Variants in DNMT3A observed in about 807,000 individuals in gnomAD.
The protein encoded by DNMT3A is DNA (cytosine-5)-methyltransferase 3A.
DNMT3A carries 267 observed loss-of-function variants against 117.6 expected under a neutral mutation model. The observed-to-expected ratio is 2.27, with a 90% CI of 2.05 to 2.51. The LOEUF (loss-of-function observed/expected upper bound fraction) is 2.51. DNMT3A is among the 30% of genes most tolerant of loss of function. DNMT3A has a pLI of 0.00. For missense variants in DNMT3A, 1,029 were observed against 1,260.2 expected, an observed-to-expected ratio of 0.82 and a Z score of 2.78; for synonymous variants, 432 against 474.8, an observed-to-expected ratio of 0.91 and a Z score of 1.17.
rs939768761 is a variant in DNMT3A at position 25,311,923 on chromosome 2, C to T, written c.72+1990G>A. ...TGAGCTATTATAATGCAGATCCTGA[C>T]CTGCTCCCGTCCATTGGTGGTGGCC... On this transcript the variant is annotated intron_variant, in intron 2 of 22. Coordinates refer to ENST00000321117, the MANE Select transcript of DNMT3A (RefSeq NM_022552.5). This position sits in a 1 kb window ranked among gnomAD's most constrained non-coding sequence, Gnocchi z 5.2. Among the ~76,000 whole-genome samples the T allele has an allele frequency of 3.9e-5, 6 of 152,192 alleles. No individual in the cohort carries two copies.
At position 25,254,143 on chromosome 2, in the gene DNMT3A, C is replaced by G. The variant is rs1331650569; in HGVS notation, c.640-5891G>C. ...CCATGACCTTAAACAAGTCACTTAA[C>G]CCCCAAGAAATCTGTTGTCTCATCT... On this transcript the variant is annotated intron_variant, in intron 6 of 22. Transcript: ENST00000321117. This position sits in a 1 kb window ranked among gnomAD's most constrained non-coding sequence, Gnocchi z 4.7. 3.3e-5 allele frequency among the ~76,000 whole-genome samples: 5 copies of G among 151,938 alleles called. No individual in the cohort carries two copies. Among genetic ancestry groups the G allele is most frequent in the African/African-American group, 1.2e-4 (5 of 41,354 alleles).
chr2:25,308,870 A>G lies in DNMT3A; in HGVS notation c.72+5043T>C, dbSNP rs147986521. Among the ~76,000 whole-genome samples, 18 of 152,222 alleles carry G rather than the reference A, an allele frequency of 1.2e-4. No individual in the cohort carries two copies. In the East Asian group the frequency reaches 3.3e-3, roughly 28 times the overall value. On this transcript the variant is annotated intron_variant, in intron 2 of 22. Coordinates refer to ENST00000321117, the MANE Select transcript of DNMT3A (RefSeq NM_022552.5). ...CTTGTACTTGCAGACCAGAGTGGAG[A>G]GAGCCCACGAGAAATCAGTGGCTGC...
intron 1 of DNMT3A, among the ~76,000 whole-genome samples, chr2:25,319,600 C>T (rs1156690975): frequency 6.6e-6 from 1 of 152,228 alleles, no homozygotes; most frequent in Admixed American, 6.5e-5. Context: ...TGCCAGTCAC[C>T]TGGCATGAGC....
chr2:25,235,316 C>T (rs1344429635), intron 22 of DNMT3A, among the ~76,000 whole-genome samples: 1 of 152,082 alleles, frequency 6.6e-6, no homozygotes, highest in African/African-American at 2.4e-5. Flanking sequence ...TCCTGAGTAG[C>T]TGGGACTACA....
intron 2 of DNMT3A, among the ~76,000 whole-genome samples, chr2:25,303,135 TC>T (rs1400737055): frequency 2.6e-5 from 4 of 152,232 alleles, no homozygotes; most frequent in African/African-American, 7.2e-5. Context: ...TTAAACTATT[TC>T]TTTAACAAGC....
Position 25,298,454 on chromosome 2 carries a change from T to C in DNMT3A, c.177+1685A>G, listed in dbSNP as rs1188054118. Among the ~76,000 whole-genome samples the C allele has an allele frequency of 1.3e-5, 2 of 152,224 alleles. No individual in the cohort carries two copies. The highest frequency in any genetic ancestry group is 2.4e-5 in the African/African-American group (1 of 41,464). ...TCACAAAGATGAGTCAAAGGGTTGC[T>C]GGGTCTTTATTTGCTACAGGTGGTG... On this transcript the variant is annotated intron_variant, in intron 3 of 22. Coordinates refer to ENST00000321117, the MANE Select transcript of DNMT3A (RefSeq NM_022552.5). This position sits in a 1 kb window ranked among gnomAD's most constrained non-coding sequence, Gnocchi z 4.3.
intron 4 of DNMT3A, among the ~76,000 whole-genome samples, chr2:25,278,442 T>G (rs2031633167): frequency 6.6e-6 from 1 of 152,358 alleles, no homozygotes; most frequent in African/African-American, 2.4e-5. Flanking sequence ...GTGCTGACCC[T>G]AATCCGGTCT....
chr2:25,253,158 C>T (rs1290099883), intron 6 of DNMT3A, among the ~76,000 whole-genome samples: 1 of 152,102 alleles, frequency 6.6e-6, no homozygotes, highest in Non-Finnish European at 1.5e-5. Flanking sequence ...GTGCGGCCTC[C>T]AGGTGCAGCC....
chr2:25,255,903 C>T lies in DNMT3A; in HGVS notation c.640-7651G>A, dbSNP rs540711630. 1.6e-3 allele frequency among the ~76,000 whole-genome samples: 250 copies of T among 152,218 alleles called. 1 individual carries two copies. Among genetic ancestry groups the T allele is most frequent in the Non-Finnish European group, 2.4e-3 (163 of 68,022 alleles). On this transcript the variant is annotated intron_variant, in intron 6 of 22. Transcript: ENST00000321117. ...TACCTCTCCAAAGAGCAGCAACGCCCGGAGCTCATGCCTGACGTTTTACTC... is the reference window on the plus strand; with the variant it reads ...TACCTCTCCAAAGAGCAGCAACGCCTGGAGCTCATGCCTGACGTTTTACTC...
In DNMT3A at chr2:25,311,056, CAA is replaced by C. The variant is rs1430056583; in HGVS notation, c.72+2855_72+2856del. On this transcript the variant is annotated intron_variant, in intron 2 of 22. Coordinates refer to ENST00000321117, the MANE Select transcript of DNMT3A (RefSeq NM_022552.5). This position sits in a 1 kb window ranked among gnomAD's most constrained non-coding sequence, Gnocchi z 5.2. ...CATGCGGCAGAGGGAGCAGCATAAA[CAA>C]AGACCTGGAGACTCCAGGAAGTATG... is the stretch of plus-strand genomic sequence containing the variant. Among the ~76,000 whole-genome samples the C allele has an allele frequency of 1.3e-5, 2 of 149,640 alleles. No individual in the cohort carries two copies. The highest frequency in any genetic ancestry group is 4.9e-5 in the African/African-American group (2 of 40,530).
chr2:25,256,566 CA>C (rs541703532), intron 6 of DNMT3A, among the ~76,000 whole-genome samples: 9 of 152,310 alleles, frequency 5.9e-5, no homozygotes, highest in Admixed American at 5.9e-4. Context: ...GTCCAAGAGC[CA>C]CATGTGGCTG....
In DNMT3A at chr2:25,284,206, G is replaced by A. The variant is rs540208256; in HGVS notation, c.178-1495C>T. Among the ~76,000 whole-genome samples, 177 of 152,304 alleles carry A rather than the reference G, an allele frequency of 1.2e-3. 2 individuals carry two copies. The highest frequency in any genetic ancestry group is 4.0e-3 in the African/African-American group (167 of 41,574). ...AGAAAGGCAGGGACAGCATCAGCACGGCAAGCCTCAGATAAGGAAGGCACT... is the reference window on the plus strand; with the variant it reads ...AGAAAGGCAGGGACAGCATCAGCACAGCAAGCCTCAGATAAGGAAGGCACT... On this transcript the variant is annotated intron_variant, in intron 3 of 22. Coordinates refer to ENST00000321117, the MANE Select transcript of DNMT3A (RefSeq NM_022552.5).
Position 25,294,542 on chromosome 2 carries a change from T to A in DNMT3A, c.177+5597A>T, listed in dbSNP as rs925937371. Among the ~76,000 whole-genome samples the A allele has an allele frequency of 6.6e-6, 1 of 152,122 alleles. No homozygotes were observed. Among genetic ancestry groups the A allele is most frequent in the African/African-American group, 2.4e-5 (1 of 41,418 alleles). The stretch of plus-strand genomic sequence containing the variant: ...ATGCATAAAAGGTAGGGGCACCATA[T>A]CACCCAGCCGAGGTCCGGAGGGTTA... On this transcript the variant is annotated intron_variant, in intron 3 of 22. Coordinates refer to ENST00000321117, the MANE Select transcript of DNMT3A (RefSeq NM_022552.5). This position sits in a 1 kb window ranked among gnomAD's most constrained non-coding sequence, Gnocchi z 4.7.
chr2:25,325,491 G>GTGGAAAAAAGGAGTTATGCCA, intron 1 of DNMT3A, among the ~76,000 whole-genome samples: 1 of 152,150 alleles, frequency 6.6e-6, no homozygotes, highest in Non-Finnish European at 1.5e-5. Context: ...ATGGTCCACA[G>GTGGAAAAAAGGAGTTATGCCA]CTGCCAGCTC....
At chr2:25,269,917 G>A (rs2030714917) in intron 6 of DNMT3A, among the ~76,000 whole-genome samples, 1 of 152,158 alleles carries the variant, frequency 6.6e-6, no homozygotes. Flanking sequence ...GGGTAATCTG[G>A]GAGAGGCTCA....
chr2:25,300,365 A>G, intron 2 of DNMT3A, 122 bp from the exon 3 acceptor site: 1 of 1,142,174 alleles, frequency 8.8e-7, no homozygotes, highest in Non-Finnish European at 1.2e-6. Context: ...CCCACGAGCC[A>G]CACTTCCAGG....
intron 14 of DNMT3A, 85 bp downstream of exon 14, chr2:25,244,455 T>C (rs1313808961): frequency 2.0e-6 from 3 of 1,520,290 alleles, no homozygotes; most frequent in Non-Finnish European, 1.8e-6. Context: ...GGAGGGTCTG[T>C]GGGGAAGGGA....
intron 1 of DNMT3A, among the ~76,000 whole-genome samples, chr2:25,336,187 G>A (rs1276505682): frequency 2.0e-5 from 3 of 152,234 alleles, no homozygotes; most frequent in East Asian, 1.9e-4. Flanking sequence ...GGCCTGGGCC[G>A]TCTGCAGGGC....
rs1672821524 is a variant in DNMT3A at position 25,230,401 on chromosome 2, T to C, written c.*3878A>G. Reference sequence around the variant, plus strand: ...CTCCCCCAGGCAAGAGCCACGGATCTCTTTGGCATCATGCGCCACCTGGCA... The same window carrying C: ...CTCCCCCAGGCAAGAGCCACGGATCCCTTTGGCATCATGCGCCACCTGGCA... On this transcript the variant is annotated 3_prime_UTR_variant, in exon 23 of 23. Coordinates refer to ENST00000321117, the MANE Select transcript of DNMT3A (RefSeq NM_022552.5). The C allele has an allele frequency of 6.6e-6, 1 of 152,182 alleles. No homozygotes were observed. The highest frequency in any genetic ancestry group is 1.5e-5 in the Non-Finnish European group (1 of 68,032). 9.4% of individuals were successfully genotyped at this position (152,182 alleles called of 1,614,324 possible). A position where few individuals can be genotyped will look rare whatever the true frequency, so the allele number is the denominator to read the frequency against.
Sources: allele counts gnomAD v4.1 joint callset (sites outside exome capture counted in the v4.1 genomes callset), GRCh38; gene constraint gnomAD v4.1.1; non-coding constraint Gnocchi (gnomAD v3.1); transcripts MANE v1.5; gene names NCBI Gene and HGNC (gene_info 2026-07-23, HGNC 2026-07-21).